The following NPAS3 variants were observed in gnomAD, a reference collection of about 807,000 sequenced individuals.
NPAS3 encodes the protein neuronal PAS domain protein 3.
Under a neutral mutation model 73.1 loss-of-function variants are expected in NPAS3, and 14 were observed. That is an observed-to-expected ratio of 0.19 (90% CI 0.13 to 0.30). The LOEUF (loss-of-function observed/expected upper bound fraction) is 0.30, where lower values mean the gene tolerates loss of function less well. Ranked by LOEUF, NPAS3 falls within the 10% of genes least tolerant of loss-of-function variation. The pLI is 1.00. For missense variants in NPAS3, 1,096 were observed against 1,250.0 expected (o/e 0.88, Z 1.86); for synonymous variants, 620 against 541.5 (o/e 1.14, Z -2.01).
chr14:33,231,216 A>G (rs1413010108), intron 3 of NPAS3, among the ~76,000 whole-genome samples: 2 of 152,212 alleles, frequency 1.3e-5, no homozygotes, highest in African/African-American at 4.8e-5. Context: ...CAGTTTTTAT[A>G]TATCAGAGAA....
chr14:33,372,742 A>G (rs924505264), intron 4 of NPAS3, among the ~76,000 whole-genome samples: 2 of 152,244 alleles, frequency 1.3e-5, no homozygotes, highest in Non-Finnish European at 1.5e-5. Flanking sequence ...TCAAGGCATT[A>G]TAGTTCACTA....
intron 2 of NPAS3, among the ~76,000 whole-genome samples, chr14:33,171,463 C>T (rs2045385767): frequency 6.6e-6 from 1 of 152,214 alleles, no homozygotes; most frequent in South Asian, 2.1e-4. Flanking sequence ...TGCTGCTTCA[C>T]CCTACACTTT....
chr14:33,683,501 A>G (rs1030412368), intron 6 of NPAS3, among the ~76,000 whole-genome samples: 3 of 149,436 alleles, frequency 2.0e-5, no homozygotes, highest in African/African-American at 4.9e-5. Context: ...TTCTATTTCT[A>G]TAGCTCTTGC....
At position 33,367,701 on chromosome 14, in the gene NPAS3, C is replaced by T. The variant is rs960993955; in HGVS notation, c.468+433C>T. Among the ~76,000 whole-genome samples, 11 of 149,652 alleles carry T rather than the reference C, an allele frequency of 7.4e-5. No homozygotes were observed. The East Asian group carries it at 1.8e-3, about 24-fold the overall frequency. On this transcript the variant is annotated intron_variant, in intron 4 of 11. Transcript: ENST00000356141. The stretch of plus-strand genomic sequence containing the variant: ...CAAATTTCAGTTCTTTGCTTGAGTT[C>T]GTATTTGTGAGTGCTTCCAATCTTA...
intron 4 of NPAS3, among the ~76,000 whole-genome samples, chr14:33,461,722 G>A (rs1319047370): frequency 6.6e-6 from 1 of 152,190 alleles, no homozygotes; most frequent in Non-Finnish European, 1.5e-5. Flanking sequence ...CAATGATAAG[G>A]TTATGGATAT....
At chr14:33,030,264 A>T (rs911657482) in intron 1 of NPAS3, among the ~76,000 whole-genome samples, 3 of 152,170 alleles carry the variant, frequency 2.0e-5, no homozygotes, top group Non-Finnish European at 2.9e-5. Context: ...TAATGGCAGG[A>T]GTTCAAACTC....
chr14:33,037,421 G>A (rs1312573114), intron 1 of NPAS3, among the ~76,000 whole-genome samples: 1 of 150,560 alleles, frequency 6.6e-6, no homozygotes, highest in Non-Finnish European at 1.5e-5. Flanking sequence ...AGGGCAGGAG[G>A]ATAGTTTGAG....
At chr14:33,037,185 TA>T (rs1185883139) in intron 1 of NPAS3, among the ~76,000 whole-genome samples, 1 of 152,146 alleles carries the variant, frequency 6.6e-6, no homozygotes, top group Non-Finnish European at 1.5e-5. Flanking sequence ...AATTAGGTTT[TA>T]AAAAATGTTA....
At chr14:33,508,601 G>C (rs145440783) in intron 4 of NPAS3, among the ~76,000 whole-genome samples, 3 of 152,000 alleles carry the variant, frequency 2.0e-5, no homozygotes, top group Non-Finnish European at 2.9e-5. Context: ...TCACACAAAC[G>C]CCTGGTTGGC....
intron 1 of NPAS3, among the ~76,000 whole-genome samples, chr14:32,967,118 AC>A (rs1566411324): frequency 6.6e-6 from 1 of 151,978 alleles, no homozygotes; most frequent in African/African-American, 2.4e-5. Context: ...ATTTACTACC[AC>A]CCCTGAGACA....
At chr14:33,790,626 G>T (rs1266923471) in intron 9 of NPAS3, among the ~76,000 whole-genome samples, 1 of 151,968 alleles carries the variant, frequency 6.6e-6, no homozygotes, top group African/African-American at 2.4e-5. Flanking sequence ...CAAGCAAAAG[G>T]TATTTCTTTT....
At position 33,556,526 on chromosome 14, in the gene NPAS3, T is replaced by G. The variant is rs116675312; in HGVS notation, c.469-3595T>G. Among the ~76,000 whole-genome samples, 582 of 152,338 alleles carry G rather than the reference T, an allele frequency of 3.8e-3. 3 individuals carry two copies. The highest frequency in any genetic ancestry group is 0.014 in the African/African-American group (565 of 41,592). On this transcript the variant is annotated intron_variant, in intron 4 of 11. Transcript: ENST00000356141. ...AGAACTGGATTTCATAAATCTTGAT[T>G]GAGTGGTTGTTAGATGCCAGCTAGA...
chr14:33,441,470 G>A (rs1271483228), intron 4 of NPAS3, among the ~76,000 whole-genome samples: 4 of 152,236 alleles, frequency 2.6e-5, no homozygotes, highest in African/African-American at 7.2e-5. Flanking sequence ...AGAATCCCTT[G>A]GAAATCTTAT....
At chr14:33,223,946 G>A (rs927886199) in intron 3 of NPAS3, among the ~76,000 whole-genome samples, 6 of 151,970 alleles carry the variant, frequency 3.9e-5, no homozygotes, top group African/African-American at 1.4e-4. Flanking sequence ...AAGAAATCAA[G>A]TACAAAATAT....
intron 8 of NPAS3, among the ~76,000 whole-genome samples, chr14:33,776,929 C>T (rs1449640104): frequency 6.6e-6 from 1 of 152,160 alleles, no homozygotes; most frequent in Non-Finnish European, 1.5e-5. Flanking sequence ...GGGCTTGGAT[C>T]GTTTTTTAAG....
At chr14:33,416,103 A>T (rs1267060124) in intron 4 of NPAS3, among the ~76,000 whole-genome samples, 1 of 152,112 alleles carries the variant, frequency 6.6e-6, no homozygotes, top group African/African-American at 2.4e-5. Flanking sequence ...CAAGCTTTGT[A>T]CACATCAAGC....
intron 6 of NPAS3, among the ~76,000 whole-genome samples, chr14:33,676,897 T>A (rs563550546): frequency 6.6e-6 from 1 of 152,334 alleles, no homozygotes; most frequent in South Asian, 2.1e-4. Flanking sequence ...GGCTACATTT[T>A]AAACTGCCTT....
At chr14:33,103,751 G>A (rs2042643225) in intron 2 of NPAS3, among the ~76,000 whole-genome samples, 2 of 152,114 alleles carry the variant, frequency 1.3e-5, no homozygotes, top group Non-Finnish European at 2.9e-5. Context: ...AAGCATATGT[G>A]TGCAGAAGCA....
At chr14:33,793,791 A>T in intron 9 of NPAS3, 106 bp from the exon 10 acceptor site, 1 of 1,016,330 alleles carries the variant, frequency 9.8e-7, no homozygotes, top group Non-Finnish European at 1.4e-6. Flanking sequence ...GGCTTGGTGT[A>T]GGTCCTCCCA....
Sources: allele counts gnomAD v4.1 joint callset (sites outside exome capture counted in the v4.1 genomes callset), GRCh38; gene constraint gnomAD v4.1.1; transcripts MANE v1.5; gene names NCBI Gene and HGNC (gene_info 2026-07-23, HGNC 2026-07-21).